SHISA9: variants seen among roughly 807,000 people sequenced by gnomAD.
SHISA9 encodes the protein protein shisa-9.
In SHISA9, 13 loss-of-function variants were observed where a neutral mutation model predicts 38.0. The ratio of observed to expected loss-of-function variants is 0.34; its 90% confidence interval spans 0.22 to 0.54. The LOEUF is 0.54. Among genes scored for constraint, SHISA9 ranks in the 20% least tolerant of loss-of-function variants. SHISA9 has a pLI of 0.91. For missense variants in SHISA9, 538 were observed against 575.8 expected (o/e 0.93, Z 0.67); for synonymous variants, 275 against 242.0 (o/e 1.14, Z -1.27).
chr16:13,025,385 A>G (rs2072908401), intron 2 of SHISA9, among the ~76,000 whole-genome samples: 1 of 152,212 alleles, frequency 6.6e-6, no homozygotes, highest in East Asian at 1.9e-4. Context: ...CAAAGCTTTC[A>G]TGTGATTCCG....
the SHISA9 span, among the ~76,000 whole-genome samples, chr16:13,547,169 C>T: frequency 6.6e-6 from 1 of 152,108 alleles, no homozygotes; most frequent in Non-Finnish European, 1.5e-5. Flanking sequence ...TATTGAATAT[C>T]TACTATGTGC....
chr16:13,335,098 G>A, the SHISA9 span, among the ~76,000 whole-genome samples: 2 of 152,214 alleles, frequency 1.3e-5, no homozygotes, highest in African/African-American at 4.8e-5. Flanking sequence ...GTTGGATTAG[G>A]GTTCTGTCTG....
chr16:13,216,127 C>T (rs1289946906), intron 4 of SHISA9, among the ~76,000 whole-genome samples: 1 of 144,476 alleles, frequency 6.9e-6, no homozygotes, highest in African/African-American at 2.6e-5. Flanking sequence ...ATGGAGTTTG[C>T]AGTGAGCCAA....
intron 3 of SHISA9, among the ~76,000 whole-genome samples, chr16:13,208,975 A>G (rs55878502): frequency 0.27 from 41,482 of 152,114 alleles, 6,524 homozygotes; most frequent in African/African-American, 0.43. Context: ...AATATAGCAC[A>G]GCCTCTGGAA....
At position 13,209,179 on chromosome 16, in the gene SHISA9, A is replaced by G. The variant is rs556112225; in HGVS notation, c.848-4074A>G. 5.3e-5 allele frequency among the ~76,000 whole-genome samples: 8 copies of G among 152,290 alleles called. No homozygotes were observed. The South Asian group carries it at 1.7e-3, about 32-fold the overall frequency. On this transcript the variant is annotated intron_variant, in intron 3 of 4. Transcript: ENST00000558583. ...GCCTGACATATGTCAGTCCTCAGCA[A>G]ATACTGCAGCATATTAAAGACCCAG...
chr16:13,203,182 A>C (rs1352315255), intron 2 of SHISA9: 1 of 400,960 alleles, frequency 2.5e-6, no homozygotes, highest in African/African-American at 2.1e-5. Context: ...TTTTGAGATG[A>C]TGTCAGAAAA....
intron 2 of SHISA9, 48 bp from the exon 3 acceptor site, chr16:13,203,346 T>C: frequency 7.0e-7 from 1 of 1,419,628 alleles, no homozygotes; most frequent in Non-Finnish European, 9.2e-7. Flanking sequence ...GGAAGGTAGA[T>C]GGTTCTGCCC....
intron 2 of SHISA9, among the ~76,000 whole-genome samples, chr16:13,117,387 G>A (rs181894651): frequency 1.0e-3 from 155 of 152,278 alleles, no homozygotes; most frequent in Non-Finnish European, 1.8e-3. Context: ...CTGTGAGATG[G>A]CAGAGTGGGC....
chr16:13,480,751 A>AC, the SHISA9 span, among the ~76,000 whole-genome samples: 10,792 of 152,156 alleles, frequency 0.071, 726 homozygotes, highest in East Asian at 0.21. Flanking sequence ...GCGCAAGAAA[A>AC]CACCAAGAGT....
the SHISA9 span, among the ~76,000 whole-genome samples, chr16:13,500,602 A>C: frequency 0.016 from 1,724 of 107,412 alleles, 27 homozygotes; most frequent in African/African-American, 0.055. Flanking sequence ...GACAGAGTGG[A>C]GTGTGGGGGG....
At chr16:13,541,048 C>T in the SHISA9 span, among the ~76,000 whole-genome samples, 211 of 152,270 alleles carry the variant, frequency 1.4e-3, 1 homozygote, top group Non-Finnish European at 2.5e-3. Flanking sequence ...CTTTGGGAAG[C>T]AAAATCAATG....
chr16:13,170,581 T>C (rs369519941), intron 2 of SHISA9, among the ~76,000 whole-genome samples: 2 of 152,240 alleles, frequency 1.3e-5, no homozygotes, highest in African/African-American at 4.8e-5. Flanking sequence ...CAAAGTACCA[T>C]GGCACACGTT....
At chr16:13,034,733 T>C (rs2073032952) in intron 2 of SHISA9, among the ~76,000 whole-genome samples, 1 of 152,208 alleles carries the variant, frequency 6.6e-6, no homozygotes, top group Admixed American at 6.5e-5. Context: ...ATGTGCCAAT[T>C]CTGAGCCTAT....
At chr16:13,526,859 G>A in the SHISA9 span, among the ~76,000 whole-genome samples, 1 of 152,144 alleles carries the variant, frequency 6.6e-6, no homozygotes, top group Non-Finnish European at 1.5e-5. Flanking sequence ...TGACCCAAAC[G>A]TACATCCATG....
At chr16:13,394,129 CCTT>C in the SHISA9 span, among the ~76,000 whole-genome samples, 2 of 152,182 alleles carry the variant, frequency 1.3e-5, no homozygotes, top group African/African-American at 4.8e-5. Flanking sequence ...TTTCCACTCA[CCTT>C]CTTGCATTTC....
the SHISA9 span, among the ~76,000 whole-genome samples, chr16:13,534,002 C>G: frequency 6.6e-6 from 1 of 152,234 alleles, no homozygotes; most frequent in South Asian, 2.1e-4. Context: ...CCAGGCTGAT[C>G]TCCATCTCCT....
chr16:13,474,449 A>G, the SHISA9 span: 4 of 152,222 alleles, frequency 2.6e-5, no homozygotes, highest in East Asian at 1.9e-4. Context: ...TACATGAATT[A>G]TACCGTTTAA....
the SHISA9 span, among the ~76,000 whole-genome samples, chr16:13,375,354 TGTAAG>T: frequency 7.9e-4 from 121 of 152,336 alleles, no homozygotes; most frequent in African/African-American, 2.6e-3. Flanking sequence ...TTGTATAAGA[TGTAAG>T]GAAGGGATCT....
rs569083969 is a variant in SHISA9, at chr16:13,076,677, A to G, written c.692-126717A>G. ...TTCTCTCCTCCAGTACCTCCAAGGC[A>G]TGCTGGAAGCTGGGTGAGCTTCCTG... On this transcript the variant is annotated intron_variant, in intron 2 of 4. Coordinates refer to ENST00000558583, the MANE Select transcript of SHISA9 (RefSeq NM_001145204.3). 2.0e-5 allele frequency among the ~76,000 whole-genome samples: 3 copies of G among 152,298 alleles called. No individual in the cohort carries two copies. In the East Asian group the frequency reaches 5.8e-4, roughly 29 times the overall value.
Sources: allele counts gnomAD v4.1 joint callset (sites outside exome capture counted in the v4.1 genomes callset), GRCh38; gene constraint gnomAD v4.1.1; transcripts MANE v1.5; gene names NCBI Gene and HGNC (gene_info 2026-07-23, HGNC 2026-07-21).